The following CLIC5 variants were observed in gnomAD, a reference collection of about 807,000 sequenced individuals.
The protein encoded by CLIC5 is chloride intracellular channel protein 5.
CLIC5 carries 20 observed loss-of-function variants against 24.7 expected under a neutral mutation model. The ratio of observed to expected loss-of-function variants is 0.81; its 90% CI spans 0.57 to 1.18. CLIC5 has a LOEUF of 1.18. CLIC5 is among the 50% of genes most tolerant of loss of function. The pLI, the probability that CLIC5 is intolerant of heterozygous loss-of-function variation, is 0.00. For missense variants in CLIC5, 341 were observed against 326.1 expected (o/e 1.05, Z -0.35); for synonymous variants, 159 against 135.6 (o/e 1.17, Z -1.20).
At chr6:45,955,917 A>G (rs1017521591) in intron 1 of CLIC5, among the ~76,000 whole-genome samples, 2 of 152,174 alleles carry the variant, frequency 1.3e-5, no homozygotes, top group African/African-American at 4.8e-5. Context: ...CAACAAATAC[A>G]TATTGACTAT....
In CLIC5 at chr6:46,071,349, C is replaced by G. The variant is rs187176503; in HGVS notation, c.540+8354G>C. ...CTGACAAAGATGTAATATCCAGCATCTAAAAGGAACTTAAATTTTTTTTCA... is the reference window on the plus strand; with the variant it reads ...CTGACAAAGATGTAATATCCAGCATGTAAAAGGAACTTAAATTTTTTTTCA... On this transcript the variant is annotated intron_variant, in intron 1 of 5. Coordinates refer to the CLIC5 transcript ENST00000185206. 6.6e-5 allele frequency among the ~76,000 whole-genome samples: 10 copies of G among 151,892 alleles called. No homozygotes were observed. The East Asian group carries it at 1.9e-3, about 29-fold the overall frequency.
intron 2 of CLIC5, among the ~76,000 whole-genome samples, chr6:45,953,363 G>A (rs1038922963): frequency 6.6e-6 from 1 of 152,172 alleles, no homozygotes; most frequent in Non-Finnish European, 1.5e-5. Flanking sequence ...AGTCTGGAGG[G>A]AGGTTGGGTT....
intron 1 of CLIC5, among the ~76,000 whole-genome samples, chr6:46,063,186 C>G (rs939960356): frequency 2.0e-5 from 3 of 152,160 alleles, no homozygotes; most frequent in Non-Finnish European, 4.4e-5. Context: ...GGATTTTAGT[C>G]CAGTTGAACT....
At chr6:45,907,530 G>A (rs138126225) in intron 5 of CLIC5, among the ~76,000 whole-genome samples, 99 of 152,226 alleles carry the variant, frequency 6.5e-4, no homozygotes, top group African/African-American at 1.3e-3. Context: ...TCAGGGTGGT[G>A]CTAGCTTCAT....
intron 1 of CLIC5, among the ~76,000 whole-genome samples, chr6:45,969,947 G>A (rs894936571): frequency 2.0e-5 from 3 of 152,000 alleles, no homozygotes; most frequent in Non-Finnish European, 2.9e-5. Flanking sequence ...TTCTTCTCCC[G>A]CCTAGGGTGA....
intron 3 of CLIC5, among the ~76,000 whole-genome samples, chr6:45,944,327 A>T (rs1003847508): frequency 6.6e-6 from 1 of 152,144 alleles, no homozygotes. Flanking sequence ...ATTCATTTAC[A>T]TACTAGTTTA....
intron 5 of CLIC5, 150 bp from the exon 6 acceptor site, chr6:45,903,405 A>G: frequency 1.8e-6 from 1 of 555,408 alleles, no homozygotes; most frequent in Non-Finnish European, 2.9e-6. Flanking sequence ...GCAAGGTGGC[A>G]GTGCTGTCTT....
intron 1 of CLIC5, among the ~76,000 whole-genome samples, chr6:45,972,880 G>A (rs975940524): frequency 6.6e-6 from 1 of 152,050 alleles, no homozygotes; most frequent in Non-Finnish European, 1.5e-5. Context: ...TCTTGGTTAG[G>A]AAAAACAAAA....
chr6:45,944,201 A>T (rs1764218994), intron 3 of CLIC5, among the ~76,000 whole-genome samples: 1 of 152,048 alleles, frequency 6.6e-6, no homozygotes, highest in South Asian at 2.1e-4. Flanking sequence ...TGGTTTTCAC[A>T]TTTTTAAATG....
the CLIC5 span, among the ~76,000 whole-genome samples, chr6:46,107,561 T>C: frequency 6.6e-6 from 1 of 152,264 alleles, no homozygotes; most frequent in Non-Finnish European, 1.5e-5. Context: ...GCTAGATATA[T>C]TAATAAAATA....
chr6:45,956,764 T>C (rs984903336), intron 1 of CLIC5, among the ~76,000 whole-genome samples: 1 of 152,148 alleles, frequency 6.6e-6, no homozygotes, highest in African/African-American at 2.4e-5. Context: ...AAAGCCCCAC[T>C]CCCTATTCAG....
chr6:46,129,394 A>G, the CLIC5 span: 2 of 152,368 alleles, frequency 1.3e-5, no homozygotes, highest in South Asian at 4.1e-4. Context: ...CAGGAGCACA[A>G]TCCCACATAC....
At chr6:45,976,702 C>T (rs2127409548) in intron 1 of CLIC5, among the ~76,000 whole-genome samples, 1 of 152,294 alleles carries the variant, frequency 6.6e-6, no homozygotes, top group South Asian at 2.1e-4. Context: ...CAGTTTTGTC[C>T]TTCACTGGAT....
chr6:46,036,277 G>GTCTTGTC (rs1012488536), intron 1 of CLIC5, among the ~76,000 whole-genome samples: 4 of 140,556 alleles, frequency 2.8e-5, no homozygotes, highest in Non-Finnish European at 6.2e-5. Context: ...TTTCATTCTT[G>GTCTTGTC]TCTTGTCTCC....
Position 45,958,965 on chromosome 6 carries a change from C to CTACA in CLIC5, c.64-3725_64-3722dup, listed in dbSNP as rs146375260. 2.0e-5 allele frequency among the ~76,000 whole-genome samples: 3 copies of CTACA among 150,988 alleles called. No homozygotes were observed. The East Asian group carries it at 5.9e-4, about 29-fold the overall frequency. On this transcript the variant is annotated intron_variant, in intron 1 of 5. Transcript: ENST00000339561. Reference sequence around the variant, plus strand: ...TCATCCTAAAATACATGCATACATACTACATACATACATACATACATACTA... The same window carrying CTACA: ...TCATCCTAAAATACATGCATACATACTACATACATACATACATACATACATACTA...
At chr6:46,107,691 A>G in the CLIC5 span, among the ~76,000 whole-genome samples, 1 of 152,206 alleles carries the variant, frequency 6.6e-6, no homozygotes, top group African/African-American at 2.4e-5. Flanking sequence ...TGGTTAGTTT[A>G]GAGGATTTTA....
chr6:46,078,185 C>A (rs1762820877), intron 1 of CLIC5, among the ~76,000 whole-genome samples: 1 of 152,044 alleles, frequency 6.6e-6, no homozygotes, highest in African/African-American at 2.4e-5. Flanking sequence ...CATGGCAAAA[C>A]CCCATCTCTA....
intron 5 of CLIC5, among the ~76,000 whole-genome samples, chr6:45,909,887 G>A (rs1209052294): frequency 6.6e-6 from 1 of 152,208 alleles, no homozygotes. Flanking sequence ...CCCATTCAGA[G>A]AAGCCCCAGA....
At chr6:45,903,943 G>A (rs939021825) in intron 5 of CLIC5, among the ~76,000 whole-genome samples, 2 of 152,162 alleles carry the variant, frequency 1.3e-5, no homozygotes, top group Middle Eastern at 3.2e-3. Flanking sequence ...GTATATGTAG[G>A]TTTAGACTAT....
Sources: gnomAD v4.1 joint callset for allele counts (sites outside exome capture counted in the v4.1 genomes callset) on GRCh38, gnomAD v4.1.1 for gene constraint, MANE v1.5 for transcripts, NCBI Gene and HGNC (gene_info 2026-07-23, HGNC 2026-07-21) for gene names.